The following KAZN variants were observed in gnomAD, a reference collection of about 807,000 sequenced individuals.
KAZN encodes the protein kazrin, periplakin interacting protein.
KAZN carries 40 observed loss-of-function variants against 87.4 expected under a neutral mutation model. The ratio of observed to expected loss-of-function variants is 0.46; its 90% CI spans 0.36 to 0.60. The LOEUF (loss-of-function observed/expected upper bound fraction) is 0.60, where lower values mean the gene tolerates loss of function less well. KAZN is among the 20% of genes least tolerant of loss of function. KAZN has a pLI of 0.00. For missense variants in KAZN, 898 were observed against 1,073.9 expected (o/e 0.84, Z 2.29); for synonymous variants, 466 against 458.3 (o/e 1.02, Z -0.22).
intron 1 of KAZN, among the ~76,000 whole-genome samples, chr1:14,927,288 T>A (rs1441306542): frequency 6.6e-6 from 1 of 152,148 alleles, no homozygotes; most frequent in Admixed American, 6.5e-5. Context: ...TCACATTTCT[T>A]GAGCATCTGC....
chr1:13,945,914 C>G (rs146142285), intron 1 of KAZN, among the ~76,000 whole-genome samples: 1 of 152,032 alleles, frequency 6.6e-6, no homozygotes, highest in African/African-American at 2.4e-5. Flanking sequence ...CTTCTCTGCC[C>G]AAGTCCCTAT....
chr1:15,004,091 A>C (rs553660507), intron 2 of KAZN, among the ~76,000 whole-genome samples: 1 of 152,344 alleles, frequency 6.6e-6, no homozygotes, highest in South Asian at 2.1e-4. Context: ...TGAGGTGAAC[A>C]TACCTGGAGC....
chr1:14,041,012 G>A (rs1464920052), intron 1 of KAZN, among the ~76,000 whole-genome samples: 1 of 152,090 alleles, frequency 6.6e-6, no homozygotes, highest in Non-Finnish European at 1.5e-5. Context: ...AAATAATGGT[G>A]AAAGGCTTCT....
intron 1 of KAZN, among the ~76,000 whole-genome samples, chr1:14,763,966 G>C (rs10927542): frequency 0.52 from 78,273 of 151,666 alleles, 20,481 homozygotes; most frequent in Middle Eastern, 0.54. Flanking sequence ...CCAGGATGGT[G>C]TCCAACTCCT....
rs151202281 is a variant in KAZN, at chr1:14,695,248, T to C, written c.226+96025T>C. On this transcript the variant is annotated intron_variant, in intron 1 of 14. Coordinates refer to ENST00000376030, the MANE Select transcript of KAZN (RefSeq NM_201628.3). Reference sequence around the variant, plus strand: ...ACACTGGAAGATTTGAAGATTTGGGTCTGCTACAACATGGCCCTGGGGATA... The same window carrying C: ...ACACTGGAAGATTTGAAGATTTGGGCCTGCTACAACATGGCCCTGGGGATA... 4.6e-3 allele frequency among the ~76,000 whole-genome samples: 698 copies of C among 152,252 alleles called. 4 individuals carry two copies. Among genetic ancestry groups the C allele is most frequent in the African/African-American group, 0.016 (648 of 41,548 alleles).
intron 1 of KAZN, among the ~76,000 whole-genome samples, chr1:14,720,424 G>A (rs576180779): frequency 5.9e-5 from 9 of 152,032 alleles, no homozygotes; most frequent in South Asian, 2.1e-4. Flanking sequence ...TGTGTTTTTC[G>A]TTCTTGCCCC....
At chr1:13,917,113 C>T (rs1041396186) in intron 1 of KAZN, among the ~76,000 whole-genome samples, 10 of 152,064 alleles carry the variant, frequency 6.6e-5, no homozygotes, top group African/African-American at 1.4e-4. Flanking sequence ...CATGCATGCA[C>T]GCCCATGTGT....
rs1557770463 is a variant in KAZN at position 14,514,598 on chromosome 1, TATATA to T, written c.250-84384_250-84380del. Among the ~76,000 whole-genome samples, 12 of 30,878 alleles carry T rather than the reference TATATA, an allele frequency of 3.9e-4. No homozygotes were observed. In the East Asian group the frequency reaches 0.021, roughly 54 times the overall value. The allele number at this position is 30,878 out of a possible 152,430, so 20.3% of individuals were successfully genotyped here. A position where few individuals can be genotyped will look rare whatever the true frequency, so the allele number is the denominator to read the frequency against. On this transcript the variant is annotated intron_variant, in intron 2 of 16. Transcript: ENST00000636203. ...ATTTTATATATTTTTTTATATTTTA[TATATA>T]TATATATATATATATATATATATAT...
chr1:13,971,087 G>T (rs2101049328), intron 1 of KAZN, among the ~76,000 whole-genome samples: 1 of 152,278 alleles, frequency 6.6e-6, no homozygotes, highest in Non-Finnish European at 1.5e-5. Context: ...TGCTAGACAT[G>T]TCTGGGAGTT....
intron 2 of KAZN, among the ~76,000 whole-genome samples, chr1:14,346,911 A>G (rs941533013): frequency 2.6e-5 from 4 of 152,194 alleles, no homozygotes; most frequent in African/African-American, 9.7e-5. Context: ...CACAGACAAC[A>G]ATATATCTAA....
chr1:14,615,716 C>T (rs1264938997), intron 1 of KAZN, among the ~76,000 whole-genome samples: 1 of 152,040 alleles, frequency 6.6e-6, no homozygotes, highest in Non-Finnish European at 1.5e-5. Context: ...AACGTGTAGG[C>T]TGTGGCTTCG....
At chr1:14,685,737 A>G (rs988720245) in intron 1 of KAZN, among the ~76,000 whole-genome samples, 3 of 152,226 alleles carry the variant, frequency 2.0e-5, no homozygotes, top group African/African-American at 7.2e-5. Context: ...GGTCAAGACA[A>G]CTATAAAAGA....
intron 1 of KAZN, among the ~76,000 whole-genome samples, chr1:14,637,438 A>G (rs1187726980): frequency 3.9e-5 from 6 of 152,162 alleles, no homozygotes; most frequent in Admixed American, 2.6e-4. Flanking sequence ...GAGGCTCGGA[A>G]AGGTCACATG....
chr1:14,192,312 A>G (rs1646436829), intron 2 of KAZN, among the ~76,000 whole-genome samples: 1 of 152,178 alleles, frequency 6.6e-6, no homozygotes, highest in African/African-American at 2.4e-5. Flanking sequence ...CATCCTTTAT[A>G]TGCAATACTG....
At chr1:14,190,878 G>A (rs544761001) in intron 2 of KAZN, among the ~76,000 whole-genome samples, 1 of 152,300 alleles carries the variant, frequency 6.6e-6, no homozygotes, top group East Asian at 1.9e-4. Context: ...AAATAATAAA[G>A]TTCCAAGGTG....
chr1:14,492,551 A>G (rs533924856), intron 2 of KAZN, among the ~76,000 whole-genome samples: 16 of 150,090 alleles, frequency 1.1e-4, no homozygotes, highest in Non-Finnish European at 1.9e-4. Flanking sequence ...GCCATTTCCA[A>G]TGGTGGAAGG....
intron 2 of KAZN, among the ~76,000 whole-genome samples, chr1:14,399,396 T>A (rs1663188705): frequency 6.6e-6 from 1 of 152,126 alleles, no homozygotes; most frequent in Non-Finnish European, 1.5e-5. Context: ...CAACTACATG[T>A]CTTAGGTAGT....
chr1:14,315,574 A>G (rs1257082392), intron 2 of KAZN, among the ~76,000 whole-genome samples: 1 of 152,056 alleles, frequency 6.6e-6, no homozygotes, highest in Non-Finnish European at 1.5e-5. Flanking sequence ...ATCCCAGCCC[A>G]GGCAGACACT....
chr1:14,077,372 A>G (rs940175093), intron 1 of KAZN, among the ~76,000 whole-genome samples: 1 of 152,178 alleles, frequency 6.6e-6, no homozygotes, highest in Non-Finnish European at 1.5e-5. Flanking sequence ...GACCCCTTTG[A>G]CTTTGGGAAG....
Sources: gnomAD v4.1 joint callset for allele counts (sites outside exome capture counted in the v4.1 genomes callset) on GRCh38, gnomAD v4.1.1 for gene constraint, MANE v1.5 for transcripts, NCBI Gene and HGNC (gene_info 2026-07-23, HGNC 2026-07-21) for gene names.